The following HS6ST1 variants were observed in gnomAD, a reference collection of about 807,000 sequenced individuals.
The protein encoded by HS6ST1 is heparan-sulfate 6-O-sulfotransferase 1.
Under a neutral mutation model 25.2 loss-of-function variants are expected in HS6ST1, and 3 were observed. The observed-to-expected ratio is 0.12, with a 90% CI of 0.05 to 0.31. The LOEUF is 0.31. Among genes scored for constraint, HS6ST1 ranks in the 10% least tolerant of loss-of-function variants. The pLI, the probability that HS6ST1 is intolerant of heterozygous loss-of-function variation, is 1.00. For synonymous variants in HS6ST1, 204 were observed against 275.1 expected, an observed-to-expected ratio of 0.74 and a Z score of 2.56; for missense variants, 310 against 609.6, an observed-to-expected ratio of 0.51 and a Z score of 5.18.
rs562319269 is a variant in HS6ST1 at position 128,283,429 on chromosome 2, C to T, written c.528-14559G>A. On this transcript the variant is annotated intron_variant, in intron 1 of 1. Transcript: ENST00000259241. ...TGACGGGGAGCAATCCCAGTGACCC[C>T]CTGGCAGAGGACATAGTGGTTTAGG... Among the ~76,000 whole-genome samples, 5 of 152,324 alleles carry T rather than the reference C, an allele frequency of 3.3e-5. 1 individual carries two copies. Among genetic ancestry groups the T allele is most frequent in the Admixed American group, 6.5e-5 (1 of 15,308 alleles).
At chr2:128,275,302 G>A (rs1693676497) in intron 1 of HS6ST1, among the ~76,000 whole-genome samples, 1 of 152,106 alleles carries the variant, frequency 6.6e-6, no homozygotes, top group Non-Finnish European at 1.5e-5. Flanking sequence ...TGATGGGTGG[G>A]GTGAGGACAG....
In HS6ST1 at chr2:128,268,131, C is replaced by G. The variant is rs112636716; in HGVS notation, c.*31G>C. On this transcript the variant is annotated 3_prime_UTR_variant, in exon 2 of 2. Coordinates refer to ENST00000259241, the MANE Select transcript of HS6ST1 (RefSeq NM_004807.3). Reference sequence around the variant, plus strand: ...TGTCCTGTTTTATCCCCCACACCCCCCAAGAGGCCTCCCCGTGGCCACCAC... The same window carrying G: ...TGTCCTGTTTTATCCCCCACACCCCGCAAGAGGCCTCCCCGTGGCCACCAC... 0.077 allele frequency: 116,778 copies of G among 1,516,644 alleles called. 4,776 individuals are homozygous for G. Among genetic ancestry groups the G allele is most frequent in the Middle Eastern group, 0.1 (433 of 4,300 alleles). The allele number at this position is 1,516,644 out of a possible 1,614,324, so 93.9% of individuals were successfully genotyped here. A position where few individuals can be genotyped will look rare whatever the true frequency, so the allele number is the denominator to read the frequency against.
At chr2:128,270,855 A>G (rs987420020) in intron 1 of HS6ST1, among the ~76,000 whole-genome samples, 1 of 152,200 alleles carries the variant, frequency 6.6e-6, no homozygotes, top group Non-Finnish European at 1.5e-5. Flanking sequence ...TGTGAGTTAC[A>G]GCCACAAGGA....
intron 1 of HS6ST1, among the ~76,000 whole-genome samples, chr2:128,311,703 C>T (rs1313870056): frequency 2.0e-5 from 3 of 152,214 alleles, no homozygotes; most frequent in Non-Finnish European, 4.4e-5. Flanking sequence ...TTTCCCATCT[C>T]CTCACCCTCC....
At chr2:128,279,330 CTTT>C (rs61670210) in intron 1 of HS6ST1, among the ~76,000 whole-genome samples, 43 of 124,714 alleles carry the variant, frequency 3.4e-4, no homozygotes, top group Non-Finnish European at 3.4e-4. Context: ...ATGACAGAAC[CTTT>C]TTTTTTTTTT....
At chr2:128,301,171 C>T (rs1230729358) in intron 1 of HS6ST1, among the ~76,000 whole-genome samples, 2 of 148,668 alleles carry the variant, frequency 1.3e-5, no homozygotes. Flanking sequence ...CTGGGGTCGC[C>T]GGGGGCTGCA....
intron 1 of HS6ST1, among the ~76,000 whole-genome samples, chr2:128,298,671 T>G (rs1017880416): frequency 6.6e-6 from 1 of 151,310 alleles, no homozygotes; most frequent in African/African-American, 2.4e-5. Flanking sequence ...GAATGAGGAG[T>G]TCGTGTTTAA....
In HS6ST1 at chr2:128,267,802, G is replaced by A; in HGVS notation, c.*360C>T. On this transcript the variant is annotated 3_prime_UTR_variant, in exon 2 of 2. Transcript: ENST00000259241. Reference sequence around the variant, plus strand: ...ATAGTTGGTGAGGGACACACTCCCGGCCTGGCAGGTCCACTTTCCGCTGTC... The same window carrying A: ...ATAGTTGGTGAGGGACACACTCCCGACCTGGCAGGTCCACTTTCCGCTGTC... The A allele has an allele frequency of 2.7e-6, 1 of 374,900 alleles. No individual in the cohort carries two copies. Among genetic ancestry groups the A allele is most frequent in the African/African-American group, 2.1e-5 (1 of 48,696 alleles). 23.2% of individuals were successfully genotyped at this position (374,900 alleles called of 1,614,324 possible).
chr2:128,273,991 G>A lies in HS6ST1; in HGVS notation c.528-5121C>T, dbSNP rs139433230. On this transcript the variant is annotated intron_variant, in intron 1 of 1. Coordinates refer to ENST00000259241, the MANE Select transcript of HS6ST1 (RefSeq NM_004807.3). Reference sequence around the variant, plus strand: ...CCAGCCCCTGCCCTCAGGAGCCCAGGCTCATCTAATCCCTGCCTCGCACCC... The same window carrying A: ...CCAGCCCCTGCCCTCAGGAGCCCAGACTCATCTAATCCCTGCCTCGCACCC... Among the ~76,000 whole-genome samples, 176 of 152,268 alleles carry A rather than the reference G, an allele frequency of 1.2e-3. 1 individual carries two copies. Among genetic ancestry groups the A allele is most frequent in the Middle Eastern group, 0.01 (3 of 294 alleles).
At chr2:128,315,201 T>C (rs1558883134) in intron 1 of HS6ST1, among the ~76,000 whole-genome samples, 2 of 152,200 alleles carry the variant, frequency 1.3e-5, no homozygotes, top group African/African-American at 2.4e-5. Context: ...CTCTGCTCAC[T>C]CTTGTTCCTT....
intron 1 of HS6ST1, among the ~76,000 whole-genome samples, chr2:128,286,756 G>A (rs147076243): frequency 2.0e-5 from 3 of 152,256 alleles, no homozygotes; most frequent in South Asian, 2.1e-4. Context: ...GTCTGCAAGC[G>A]GGTGAAAATC....
chr2:128,305,115 C>A (rs1378181129), intron 1 of HS6ST1, among the ~76,000 whole-genome samples: 5 of 152,224 alleles, frequency 3.3e-5, no homozygotes, highest in Non-Finnish European at 1.5e-5. Flanking sequence ...CTGCCTGGGT[C>A]CCCATTTGAC....
intron 1 of HS6ST1, among the ~76,000 whole-genome samples, chr2:128,293,080 T>C (rs921800483): frequency 6.6e-6 from 1 of 152,150 alleles, no homozygotes; most frequent in Admixed American, 6.5e-5. Flanking sequence ...AGCTGGTCCC[T>C]GCTCTGCTCC....
intron 1 of HS6ST1, among the ~76,000 whole-genome samples, chr2:128,311,702 TC>T (rs1353822353): frequency 6.6e-6 from 1 of 152,206 alleles, no homozygotes; most frequent in Non-Finnish European, 1.5e-5. Flanking sequence ...GTTTCCCATC[TC>T]CTCACCCTCC....
intron 1 of HS6ST1, among the ~76,000 whole-genome samples, chr2:128,310,010 T>C (rs1188514749): frequency 6.6e-6 from 1 of 152,078 alleles, no homozygotes; most frequent in Non-Finnish European, 1.5e-5. Context: ...CCACCCCCCT[T>C]TTAGAGATGG....
intron 1 of HS6ST1, chr2:128,290,095 G>C (rs1693929829): frequency 6.6e-6 from 1 of 151,698 alleles, no homozygotes; most frequent in Non-Finnish European, 1.5e-5. Context: ...CAGCAAGTGA[G>C]AGCACCCACT....
chr2:128,268,086 T>C lies in HS6ST1; in HGVS notation c.*76A>G, dbSNP rs1693550033. 3 of 1,039,832 alleles carry C rather than the reference T, an allele frequency of 2.9e-6. No individual in the cohort carries two copies. The highest frequency in any genetic ancestry group is 4.3e-6 in the Non-Finnish European group (3 of 693,762). The allele number at this position is 1,039,832 out of a possible 1,614,324, so 64.4% of individuals were successfully genotyped here. On this transcript the variant is annotated 3_prime_UTR_variant, in exon 2 of 2. Coordinates refer to ENST00000259241, the MANE Select transcript of HS6ST1 (RefSeq NM_004807.3). Reference sequence around the variant, plus strand: ...GTTTGGGATGCTCATCCCTTGACAGTCTTGGGTGGACCTGTCGTCTGTCCT... The same window carrying C: ...GTTTGGGATGCTCATCCCTTGACAGCCTTGGGTGGACCTGTCGTCTGTCCT...
At chr2:128,294,718 A>AG (rs1694013815) in intron 1 of HS6ST1, among the ~76,000 whole-genome samples, 1 of 131,580 alleles carries the variant, frequency 7.6e-6, no homozygotes, top group Non-Finnish European at 1.7e-5. Flanking sequence ...GTGTGTGTGG[A>AG]GGGGGAGACA....
rs537098561 is a variant in HS6ST1, at chr2:128,274,097, T to C, written c.528-5227A>G. Among the ~76,000 whole-genome samples, 6 of 152,226 alleles carry C rather than the reference T, an allele frequency of 3.9e-5. No homozygotes were observed. In the South Asian group the frequency reaches 1.2e-3, roughly 32 times the overall value. ...CCACAAAGCAGGGGCTTTGTGCCTA[T>C]CACTATCCAGCAGGGTCTATCCATT... On this transcript the variant is annotated intron_variant, in intron 1 of 1. Transcript: ENST00000259241.
Sources: gnomAD v4.1 joint callset for allele counts (sites outside exome capture counted in the v4.1 genomes callset) on GRCh38, gnomAD v4.1.1 for gene constraint, MANE v1.5 for transcripts, NCBI Gene and HGNC (gene_info 2026-07-23, HGNC 2026-07-21) for gene names.